Variants in CTNND2 observed in about 807,000 individuals in gnomAD.
CTNND2 encodes catenin delta-2.
CTNND2 carries 22 observed loss-of-function variants against 144.4 expected under a neutral mutation model. The ratio of observed to expected loss-of-function variants is 0.15; its 90% CI spans 0.11 to 0.22. The LOEUF (loss-of-function observed/expected upper bound fraction) is 0.22. CTNND2 is among the 10% of genes least tolerant of loss of function. CTNND2 has a pLI of 1.00. For missense variants in CTNND2, 1,353 were observed against 1,618.8 expected, an observed-to-expected ratio of 0.84 and a Z score of 2.82; for synonymous variants, 751 against 695.6, an observed-to-expected ratio of 1.08 and a Z score of -1.25.
intron 12 of CTNND2, among the ~76,000 whole-genome samples, chr5:11,144,233 C>T (rs529889086): frequency 5.6e-4 from 86 of 152,280 alleles, no homozygotes; most frequent in Non-Finnish European, 1.1e-3. Flanking sequence ...TATTTAAGTT[C>T]CATTTGTCTG....
At chr5:11,464,924 T>C (rs895301399) in intron 3 of CTNND2, among the ~76,000 whole-genome samples, 1 of 152,208 alleles carries the variant, frequency 6.6e-6, no homozygotes, top group Non-Finnish European at 1.5e-5. Context: ...CATAACAACA[T>C]GGAAGAGGAA....
intron 3 of CTNND2, among the ~76,000 whole-genome samples, chr5:11,479,439 G>A (rs1768044050): frequency 6.6e-6 from 1 of 152,120 alleles, no homozygotes; most frequent in Non-Finnish European, 1.5e-5. Flanking sequence ...TTGCTATTGT[G>A]AATAGTGCTG....
At chr5:11,382,577 A>G (rs1758602214) in intron 7 of CTNND2, among the ~76,000 whole-genome samples, 1 of 146,586 alleles carries the variant, frequency 6.8e-6, no homozygotes, top group East Asian at 2.0e-4. Flanking sequence ...CAGCCTGGGC[A>G]ACCGACAGAG....
chr5:11,233,557 T>C lies in CTNND2; in HGVS notation c.1761+3134A>G, dbSNP rs368860112. The stretch of plus-strand genomic sequence containing the variant: ...AGGCTAGTGCCTGCAAAATTAGTAT[T>C]TGGACAACAGGTAATTACAAAATTC... On this transcript the variant is annotated intron_variant, in intron 10 of 21. Coordinates refer to ENST00000304623, the MANE Select transcript of CTNND2 (RefSeq NM_001332.4). Among the ~76,000 whole-genome samples the C allele has an allele frequency of 6.2e-4, 94 of 152,278 alleles. 2 individuals are homozygous for C. In the East Asian group the frequency reaches 0.016, roughly 26 times the overall value.
At chr5:11,332,337 T>C (rs929675392) in intron 9 of CTNND2, among the ~76,000 whole-genome samples, 1 of 151,678 alleles carries the variant, frequency 6.6e-6, no homozygotes, top group African/African-American at 2.4e-5. Flanking sequence ...GGCACTGTTT[T>C]GAAAGGATCA....
intron 3 of CTNND2, among the ~76,000 whole-genome samples, chr5:11,481,155 A>C (rs1768228026): frequency 6.6e-6 from 1 of 152,164 alleles, no homozygotes; most frequent in Non-Finnish European, 1.5e-5. Flanking sequence ...TAATAACAAA[A>C]AGGTGCACAA....
At chr5:11,778,587 T>G (rs1790378646) in intron 1 of CTNND2, among the ~76,000 whole-genome samples, 1 of 152,140 alleles carries the variant, frequency 6.6e-6, no homozygotes, top group African/African-American at 2.4e-5. Context: ...TTCTACAATA[T>G]ACCAGACCAG....
chr5:11,857,023 C>G (rs1184171323), intron 1 of CTNND2, among the ~76,000 whole-genome samples: 1 of 152,050 alleles, frequency 6.6e-6, no homozygotes, highest in Non-Finnish European at 1.5e-5. Context: ...TGATATAAGA[C>G]CATGCATTTA....
At chr5:11,315,491 A>C (rs1350219750) in intron 9 of CTNND2, among the ~76,000 whole-genome samples, 1 of 152,232 alleles carries the variant, frequency 6.6e-6, no homozygotes, top group Non-Finnish European at 1.5e-5. Context: ...ACAACCTAGT[A>C]CAATAACTGG....
intron 17 of CTNND2, among the ~76,000 whole-genome samples, chr5:11,018,521 G>C (rs2062689): frequency 0.49 from 74,084 of 151,992 alleles, 19,057 homozygotes; most frequent in African/African-American, 0.66. Flanking sequence ...AGTGAGCCAA[G>C]TTGTGAATGC....
chr5:11,869,859 G>T (rs1427581361), intron 1 of CTNND2, among the ~76,000 whole-genome samples: 1 of 152,076 alleles, frequency 6.6e-6, no homozygotes, highest in African/African-American at 2.4e-5. Flanking sequence ...CCAGAAGGGG[G>T]TCACTAAGGT....
At chr5:11,746,657 C>T (rs1421670026) in intron 1 of CTNND2, among the ~76,000 whole-genome samples, 1 of 152,064 alleles carries the variant, frequency 6.6e-6, no homozygotes, top group South Asian at 2.1e-4. Flanking sequence ...TTACATTTTA[C>T]ATTTTACATC....
At chr5:11,521,324 T>C (rs1236129917) in intron 3 of CTNND2, among the ~76,000 whole-genome samples, 1 of 152,246 alleles carries the variant, frequency 6.6e-6, no homozygotes, top group Non-Finnish European at 1.5e-5. Flanking sequence ...CTGAGCCTTC[T>C]TTATTATTCT....
chr5:11,283,893 A>G (rs1747443942), intron 9 of CTNND2, among the ~76,000 whole-genome samples: 1 of 152,212 alleles, frequency 6.6e-6, no homozygotes, highest in Non-Finnish European at 1.5e-5. Flanking sequence ...GCAGCCATGC[A>G]ATGCGGACCT....
intron 8 of CTNND2, among the ~76,000 whole-genome samples, chr5:11,347,403 C>G (rs1015861029): frequency 6.6e-6 from 1 of 152,226 alleles, no homozygotes; most frequent in African/African-American, 2.4e-5. Flanking sequence ...GAAGATTTTA[C>G]ACTAGTTACT....
At chr5:11,859,432 AATG>A (rs1436831092) in intron 1 of CTNND2, among the ~76,000 whole-genome samples, 1 of 152,252 alleles carries the variant, frequency 6.6e-6, no homozygotes, top group African/African-American at 2.4e-5. Context: ...CACCAACCCT[AATG>A]ATTATAAAAT....
intron 10 of CTNND2, among the ~76,000 whole-genome samples, chr5:11,202,027 T>C (rs1737495685): frequency 6.6e-6 from 1 of 152,216 alleles, no homozygotes; most frequent in Admixed American, 6.5e-5. Context: ...TATTTGCCCA[T>C]GTGTGATTTA....
At chr5:11,045,945 T>C (rs556831811) in intron 16 of CTNND2, among the ~76,000 whole-genome samples, 132 of 152,142 alleles carry the variant, frequency 8.7e-4, no homozygotes, top group African/African-American at 3.1e-3. Context: ...CCTTCCTCCT[T>C]GGTGGTTTTA....
chr5:11,484,283 G>T (rs1189922977), intron 3 of CTNND2, among the ~76,000 whole-genome samples: 1 of 152,212 alleles, frequency 6.6e-6, no homozygotes, highest in African/African-American at 2.4e-5. Flanking sequence ...TGGAGAGTCT[G>T]TCCATCATGT....
Sources: gnomAD v4.1 joint callset for allele counts (sites outside exome capture counted in the v4.1 genomes callset) on GRCh38, gnomAD v4.1.1 for gene constraint, MANE v1.5 for transcripts, NCBI Gene and HGNC (gene_info 2026-07-23, HGNC 2026-07-21) for gene names.